Variants in ATP6V0D1 observed in about 807,000 individuals in gnomAD.
The protein encoded by ATP6V0D1 is ATPase H+ transporting V0 subunit d1, also known as V-type proton ATPase subunit d 1.
ATP6V0D1 carries 13 observed loss-of-function variants against 39.0 expected under a neutral mutation model. That is an observed-to-expected ratio of 0.33 (90% CI 0.22 to 0.53). The LOEUF is 0.53. Among genes scored for constraint, ATP6V0D1 ranks in the 20% least tolerant of loss-of-function variants. ATP6V0D1 has a pLI of 0.94. For synonymous variants in ATP6V0D1, 191 were observed against 191.2 expected, an observed-to-expected ratio of 1.00 and a Z score of 0.01; for missense variants, 272 against 470.9, an observed-to-expected ratio of 0.58 and a Z score of 3.91.
chr16:67,459,845 C>G (rs1035162117), intron 1 of ATP6V0D1, among the ~76,000 whole-genome samples: 2 of 152,226 alleles, frequency 1.3e-5, no homozygotes, highest in African/African-American at 4.8e-5. Flanking sequence ...TGCCCCAGGG[C>G]CCAGTAGGCA....
intron 1 of ATP6V0D1, among the ~76,000 whole-genome samples, chr16:67,478,613 CAAAAA>C (rs1292018624): frequency 1.9e-5 from 1 of 51,532 alleles, no homozygotes. Context: ...GACTCTGTCT[CAAAAA>C]AAAAAAAAAA....
At chr16:67,474,370 T>C (rs760218631) in intron 1 of ATP6V0D1, among the ~76,000 whole-genome samples, 4 of 152,220 alleles carry the variant, frequency 2.6e-5, no homozygotes, top group Non-Finnish European at 4.4e-5. Flanking sequence ...AGTCCATCAG[T>C]AAGGTCTTCT....
Position 67,481,119 on chromosome 16 carries a change from A to C in ATP6V0D1, c.-33T>G, listed in dbSNP as rs1312585357. ...GCGGGAGCGGCGGGACCGGAGAACC[A>C]GGACCGGCCGGCACGAATCGCGACT... On this transcript the variant is annotated 5_prime_UTR_variant, in exon 1 of 8. Coordinates refer to ENST00000290949, the MANE Select transcript of ATP6V0D1 (RefSeq NM_004691.5). 6.2e-7 allele frequency: 1 copy of C among 1,612,416 alleles called. No homozygotes were observed. Among genetic ancestry groups the C allele is most frequent in the Non-Finnish European group, 8.5e-7 (1 of 1,178,894 alleles).
chr16:67,457,668 T>C (rs749242), intron 1 of ATP6V0D1: 88,497 of 1,287,982 alleles, frequency 0.069, 3,447 homozygotes, highest in Admixed American at 0.11. Flanking sequence ...AAGCCAGGAA[T>C]GTGTGCACGT....
At chr16:67,442,700 A>G (rs1249942141) in intron 4 of ATP6V0D1, among the ~76,000 whole-genome samples, 1 of 152,074 alleles carries the variant, frequency 6.6e-6, no homozygotes, top group Admixed American at 6.6e-5. Flanking sequence ...TCCCCCCACC[A>G]TAAGTGAGCA....
chr16:67,446,082 G>A (rs1388434141), intron 2 of ATP6V0D1: 2 of 393,326 alleles, frequency 5.1e-6, no homozygotes, highest in African/African-American at 4.1e-5. Context: ...AGGACCTTGT[G>A]CAACTAGTGC....
rs1159931253 is a variant in ATP6V0D1, at chr16:67,444,452, C to T, written c.481+76G>A. 3.2e-5 allele frequency: 47 copies of T among 1,476,260 alleles called. No individual in the cohort carries two copies. Among genetic ancestry groups the T allele is most frequent in the Non-Finnish European group, 3.4e-5 (37 of 1,099,822 alleles). The allele number at this position is 1,476,260 out of a possible 1,614,324, so 91.4% of individuals were successfully genotyped here. A position where few individuals can be genotyped will look rare whatever the true frequency, so the allele number is the denominator to read the frequency against. On this transcript the variant is annotated intron_variant, in intron 3 of 7. Coordinates refer to ENST00000290949, the MANE Select transcript of ATP6V0D1 (RefSeq NM_004691.5). The surrounding 1 kb of genome is among the most constrained non-coding windows in gnomAD (Gnocchi z 4.8). Reference sequence around the variant, plus strand: ...TTTCTGGCTCAGGGTCGCCCCCCAGCGGGTCCACAAACCCCACCCTGATGC... The same window carrying T: ...TTTCTGGCTCAGGGTCGCCCCCCAGTGGGTCCACAAACCCCACCCTGATGC...
chr16:67,446,579 A>G (rs1271048078), intron 2 of ATP6V0D1, among the ~76,000 whole-genome samples: 3 of 152,114 alleles, frequency 2.0e-5, no homozygotes, highest in Non-Finnish European at 4.4e-5. Context: ...GCTTTGGGCC[A>G]TGGTCTGCAG....
intron 4 of ATP6V0D1, chr16:67,439,705 A>C: frequency 3.2e-6 from 1 of 309,080 alleles, no homozygotes; most frequent in Non-Finnish European, 6.1e-6. Flanking sequence ...AATCTTTCCA[A>C]ACCTCCCCTT....
At chr16:67,452,557 C>G (rs1052645823) in intron 2 of ATP6V0D1, 2 of 713,212 alleles carry the variant, frequency 2.8e-6, no homozygotes, top group African/African-American at 3.5e-5. Context: ...AAAAGTTAGA[C>G]AATACCCAGA....
intron 3 of ATP6V0D1, 190 bp from the exon 4 acceptor site, chr16:67,443,368 GCTT>G (rs10549941): frequency 0.03 from 17,107 of 569,902 alleles, 2,177 homozygotes; most frequent in African/African-American, 0.28. Context: ...ACTGACCTGA[GCTT>G]CTCCTGCCTC....
chr16:67,469,216 G>A (rs949254757), intron 1 of ATP6V0D1, among the ~76,000 whole-genome samples: 2 of 152,204 alleles, frequency 1.3e-5, no homozygotes, highest in Admixed American at 1.3e-4. Context: ...GCTGAGGCAG[G>A]AGGATCGTTT....
At chr16:67,452,654 T>C (rs1380690100) in intron 2 of ATP6V0D1, among the ~76,000 whole-genome samples, 1 of 152,214 alleles carries the variant, frequency 6.6e-6, no homozygotes, top group African/African-American at 2.4e-5. Context: ...TGAGCATGCC[T>C]CTGCTCACCA....
At chr16:67,443,265 C>T (rs956521814) in intron 3 of ATP6V0D1, 87 bp from the exon 4 acceptor site, 18 of 1,399,958 alleles carry the variant, frequency 1.3e-5, no homozygotes, top group East Asian at 2.3e-5. Context: ...ACAGAGTGCC[C>T]GTGCCACAAG....
At chr16:67,450,154 G>A (rs1305294918) in intron 2 of ATP6V0D1, among the ~76,000 whole-genome samples, 1 of 152,196 alleles carries the variant, frequency 6.6e-6, no homozygotes, top group Non-Finnish European at 1.5e-5. Flanking sequence ...GTACTCTCCT[G>A]AGTATATTCC....
chr16:67,469,890 C>G (rs1203788427), intron 1 of ATP6V0D1, among the ~76,000 whole-genome samples: 1 of 152,222 alleles, frequency 6.6e-6, no homozygotes, highest in Non-Finnish European at 1.5e-5. Context: ...GGTTGTCACT[C>G]ATGACAACTT....
chr16:67,460,965 A>C (rs975445469), intron 1 of ATP6V0D1, among the ~76,000 whole-genome samples: 9 of 152,192 alleles, frequency 5.9e-5, no homozygotes, highest in Non-Finnish European at 1.0e-4. Flanking sequence ...TCTCTCTGGA[A>C]CCAGGCCCCT....
At chr16:67,463,156 T>G (rs1567540386) in intron 1 of ATP6V0D1, among the ~76,000 whole-genome samples, 1 of 152,226 alleles carries the variant, frequency 6.6e-6, no homozygotes, top group Non-Finnish European at 1.5e-5. Context: ...GCCCTGTGTT[T>G]GGGCTCGTGG....
chr16:67,455,445 T>C (rs1388908193), intron 1 of ATP6V0D1: 2 of 152,168 alleles, frequency 1.3e-5, no homozygotes, highest in African/African-American at 4.8e-5. Context: ...CACCTGCATC[T>C]CTGGGGGGCT....
Sources: allele counts gnomAD v4.1 joint callset (sites outside exome capture counted in the v4.1 genomes callset), GRCh38; gene constraint gnomAD v4.1.1; non-coding constraint Gnocchi (gnomAD v3.1); transcripts MANE v1.5; gene names NCBI Gene and HGNC (gene_info 2026-07-23, HGNC 2026-07-21).